The following SND1 variants were observed in gnomAD, a reference collection of about 807,000 sequenced individuals.
SND1 encodes staphylococcal nuclease and tudor domain containing 1, also known as staphylococcal nuclease domain-containing protein 1.
In SND1, 38 loss-of-function variants were observed where a neutral mutation model predicts 121.7. That is an observed-to-expected ratio of 0.31 (90% CI 0.24 to 0.41). The LOEUF (loss-of-function observed/expected upper bound fraction) is 0.41, where lower values mean the gene tolerates loss of function less well. SND1 is among the 10% of genes least tolerant of loss of function. The pLI is 1.00. For synonymous variants in SND1, 401 were observed against 447.4 expected (o/e 0.90, Z 1.31); for missense variants, 868 against 1,184.6 (o/e 0.73, Z 3.92).
chr7:127,676,490 TC>T (rs1205020686), intron 1 of SND1, among the ~76,000 whole-genome samples: 2 of 152,190 alleles, frequency 1.3e-5, no homozygotes, highest in Non-Finnish European at 2.9e-5. Context: ...TCATGGTTGT[TC>T]CGTTAGCCAC....
chr7:127,758,386 G>T (rs1797238009), intron 10 of SND1, among the ~76,000 whole-genome samples: 1 of 152,128 alleles, frequency 6.6e-6, no homozygotes, highest in Admixed American at 6.5e-5. Context: ...ATTTTAGTGT[G>T]TGCAAAGCGT....
Position 127,759,459 on chromosome 7 carries a change from C to G in SND1, c.1152+38059C>G, listed in dbSNP as rs576883600. Reference sequence around the variant, plus strand: ...TGTGTCCTTTTGATGTGTCCCCATCCTTCTTTGATCCATTTCTTGCTTTGT... The same window carrying G: ...TGTGTCCTTTTGATGTGTCCCCATCGTTCTTTGATCCATTTCTTGCTTTGT... On this transcript the variant is annotated intron_variant, in intron 10 of 23. Coordinates refer to ENST00000354725, the MANE Select transcript of SND1 (RefSeq NM_014390.4). Among the ~76,000 whole-genome samples the G allele has an allele frequency of 2.6e-5, 4 of 152,266 alleles. No individual in the cohort carries two copies. In the South Asian group the frequency reaches 8.3e-4, roughly 32 times the overall value.
At chr7:127,913,887 T>C (rs1200443060) in intron 14 of SND1, among the ~76,000 whole-genome samples, 1 of 152,248 alleles carries the variant, frequency 6.6e-6, no homozygotes, top group East Asian at 1.9e-4. Flanking sequence ...GACATTCTGC[T>C]TACTTGTATT....
At chr7:127,736,180 G>T (rs1419509248) in intron 10 of SND1, among the ~76,000 whole-genome samples, 1 of 152,104 alleles carries the variant, frequency 6.6e-6, no homozygotes, top group Non-Finnish European at 1.5e-5. Flanking sequence ...TTGCGTTTCT[G>T]CTTTCATCTT....
chr7:127,706,649 G>T (rs757289979), intron 8 of SND1, among the ~76,000 whole-genome samples: 35 of 152,166 alleles, frequency 2.3e-4, no homozygotes, highest in Non-Finnish European at 3.7e-4. Flanking sequence ...TGGATTTTTT[G>T]GGGGAGTGCT....
At chr7:128,016,148 T>A (rs1286441870) in intron 16 of SND1, among the ~76,000 whole-genome samples, 1 of 149,200 alleles carries the variant, frequency 6.7e-6, no homozygotes, top group Non-Finnish European at 1.5e-5. Flanking sequence ...CAACTTCCTT[T>A]TTTTTTTTTT....
At chr7:127,772,210 C>T (rs1797524531) in intron 10 of SND1, among the ~76,000 whole-genome samples, 1 of 152,168 alleles carries the variant, frequency 6.6e-6, no homozygotes, top group African/African-American at 2.4e-5. Flanking sequence ...ATCTTACAGG[C>T]TTAGACCTGG....
At chr7:128,020,280 CT>C (rs1300330835) in intron 16 of SND1, among the ~76,000 whole-genome samples, 1 of 152,210 alleles carries the variant, frequency 6.6e-6, no homozygotes, top group African/African-American at 2.4e-5. Context: ...GCCTTCCCCC[CT>C]CCCAAAAGGG....
chr7:127,945,675 G>A (rs550463472), intron 15 of SND1, among the ~76,000 whole-genome samples: 4 of 152,144 alleles, frequency 2.6e-5, no homozygotes, highest in East Asian at 3.9e-4. Context: ...ACAGAGCCTC[G>A]CCAGGCCTCA....
At chr7:127,810,698 A>C (rs1480739890) in intron 11 of SND1, among the ~76,000 whole-genome samples, 2 of 152,176 alleles carry the variant, frequency 1.3e-5, no homozygotes, top group South Asian at 2.1e-4. Context: ...GCATTGCCCT[A>C]GTCATTTTGC....
At chr7:127,934,048 T>C (rs1801005159) in intron 15 of SND1, among the ~76,000 whole-genome samples, 1 of 152,220 alleles carries the variant, frequency 6.6e-6, no homozygotes, top group African/African-American at 2.4e-5. Flanking sequence ...AATAGAATTA[T>C]GGACAAGGTC....
At chr7:127,767,274 T>C (rs1466193354) in intron 10 of SND1, among the ~76,000 whole-genome samples, 1 of 152,144 alleles carries the variant, frequency 6.6e-6, no homozygotes, top group Non-Finnish European at 1.5e-5. Flanking sequence ...GGAGAAGAGC[T>C]GGTTCACAGT....
At chr7:128,059,646 A>G (rs184903790) in intron 16 of SND1, among the ~76,000 whole-genome samples, 1 of 152,224 alleles carries the variant, frequency 6.6e-6, no homozygotes, top group Non-Finnish European at 1.5e-5. Flanking sequence ...CTGGAGATGC[A>G]GTGCTGAACC....
At position 127,815,549 on chromosome 7, in the gene SND1, A is replaced by C. The variant is rs1798423320; in HGVS notation, c.1242+7976A>C. Reference sequence around the variant, plus strand: ...GAGAAGGAGGAGGAGGACGAGGAGGAGTATTGGGCACAGAGAGAAAGAGAC... The same window carrying C: ...GAGAAGGAGGAGGAGGACGAGGAGGCGTATTGGGCACAGAGAGAAAGAGAC... On this transcript the variant is annotated intron_variant, in intron 11 of 23. Coordinates refer to ENST00000354725, the MANE Select transcript of SND1 (RefSeq NM_014390.4). Among the ~76,000 whole-genome samples the C allele has an allele frequency of 4.6e-5, 7 of 152,026 alleles. No homozygotes were observed. In the South Asian group the frequency reaches 1.5e-3, roughly 32 times the overall value.
At chr7:127,695,171 G>A (rs1389722913) in intron 3 of SND1, among the ~76,000 whole-genome samples, 2 of 152,154 alleles carry the variant, frequency 1.3e-5, no homozygotes, top group African/African-American at 4.8e-5. Context: ...TCCTGCTTTG[G>A]TTTAGGTGCA....
intron 16 of SND1, among the ~76,000 whole-genome samples, chr7:128,046,311 C>T (rs1393466509): frequency 4.8e-5 from 7 of 145,928 alleles, no homozygotes; most frequent in Non-Finnish European, 9.0e-5. Flanking sequence ...GTTGCCCATG[C>T]TGGGTTTTTT....
At chr7:127,957,913 G>A (rs1454479058) in intron 15 of SND1, among the ~76,000 whole-genome samples, 4 of 152,102 alleles carry the variant, frequency 2.6e-5, no homozygotes, top group Admixed American at 2.0e-4. Flanking sequence ...TGTTGGCCAG[G>A]CTGGTCTCAA....
chr7:127,810,139 A>G (rs990738080), intron 11 of SND1, among the ~76,000 whole-genome samples: 3 of 152,216 alleles, frequency 2.0e-5, no homozygotes, highest in African/African-American at 7.2e-5. Flanking sequence ...TGAGAAGTGC[A>G]TCAGCGTGCG....
intron 1 of SND1, among the ~76,000 whole-genome samples, chr7:127,664,869 C>T (rs1305417729): frequency 6.6e-6 from 1 of 152,184 alleles, no homozygotes; most frequent in Non-Finnish European, 1.5e-5. Flanking sequence ...TGGAAAAAAA[C>T]CCACACACAT....
Sources: allele counts gnomAD v4.1 joint callset (sites outside exome capture counted in the v4.1 genomes callset), GRCh38; gene constraint gnomAD v4.1.1; transcripts MANE v1.5; gene names NCBI Gene and HGNC (gene_info 2026-07-23, HGNC 2026-07-21).